The following RNF17 variants were observed in gnomAD, a reference collection of about 807,000 sequenced individuals.
RNF17 encodes the protein spermatogenesis associated 23.
RNF17 carries 31 observed loss-of-function variants against 200.5 expected under a neutral mutation model. The ratio of observed to expected loss-of-function variants is 0.15; its 90% CI spans 0.12 to 0.21. The LOEUF is 0.21. Ranked by LOEUF, RNF17 falls within the 10% of genes least tolerant of loss-of-function variation. The pLI, the probability that RNF17 is intolerant of heterozygous loss-of-function variation, is 1.00. For missense variants in RNF17, 1,628 were observed against 1,905.1 expected (o/e 0.85, Z 2.71); for synonymous variants, 606 against 637.8 (o/e 0.95, Z 0.75).
the RNF17 span, chr13:24,750,643 C>A: frequency 1.0e-3 from 156 of 152,290 alleles, no homozygotes; most frequent in African/African-American, 3.6e-3. Flanking sequence ...TTTAAATTTT[C>A]TCTCCAGGAG....
chr13:24,878,086 C>G (rs1429777913), intron 34 of RNF17, among the ~76,000 whole-genome samples: 2 of 152,230 alleles, frequency 1.3e-5, no homozygotes, highest in African/African-American at 2.4e-5. Flanking sequence ...TTCAGTTCAC[C>G]TAGTCCTCAC....
In RNF17 at chr13:24,806,570, C is replaced by G. The variant is rs137993304; in HGVS notation, c.2091+2141C>G. Reference sequence around the variant, plus strand: ...CATTGTGGTTTTGATTTGCATTTCTCTAATGACCAGTGATGATGAGCATGT... The same window carrying G: ...CATTGTGGTTTTGATTTGCATTTCTGTAATGACCAGTGATGATGAGCATGT... On this transcript the variant is annotated intron_variant, in intron 15 of 35. Coordinates refer to ENST00000255324, the MANE Select transcript of RNF17 (RefSeq NM_031277.3). Among the ~76,000 whole-genome samples, 1,522 of 152,296 alleles carry G rather than the reference C, an allele frequency of 1.0e-2. 37 individuals carry two copies. Among genetic ancestry groups the G allele is most frequent in the African/African-American group, 0.034 (1,408 of 41,568 alleles).
intron 22 of RNF17, among the ~76,000 whole-genome samples, chr13:24,849,275 T>A (rs1202865953): frequency 6.6e-6 from 1 of 152,180 alleles, no homozygotes; most frequent in Non-Finnish European, 1.5e-5. Flanking sequence ...TTATCTGTAA[T>A]CTCTTCTGTG....
intron 25 of RNF17, among the ~76,000 whole-genome samples, chr13:24,857,639 C>T (rs1985445): frequency 0.18 from 26,693 of 152,194 alleles, 2,513 homozygotes; most frequent in South Asian, 0.32. Context: ...CGGTGGCTTA[C>T]GCCTGTAATC....
intron 11 of RNF17, among the ~76,000 whole-genome samples, chr13:24,799,072 C>G (rs895527041): frequency 3.7e-4 from 56 of 152,272 alleles, no homozygotes; most frequent in African/African-American, 1.2e-3. Context: ...ATTAATTTGC[C>G]TGTCTCTCTT....
At position 24,877,151 on chromosome 13, in the gene RNF17, T is replaced by C; in HGVS notation, c.4738T>C (p.Cys1580Arg). Residue 1580 changes from cysteine (C) to arginine (R), a missense_variant, in exon 34 of 36, where the codon TGT becomes CGT. Cys to Arg is a radical substitution (Grantham distance 180). This residue lies in a region of RNF17 where 609 missense variants were observed against 681.9 expected (regional missense o/e 0.89). Transcript: ENST00000255324. ...GGAGGCACTGTGGGCTATGATAGACTGTCTTCAAGGAAAACAACTCTATGC... is the reference window on the plus strand; with the variant it reads ...GGAGGCACTGTGGGCTATGATAGACCGTCTTCAAGGAAAACAACTCTATGC... ...SMEALWAMIDCLQGKQLYAVS... is the reference protein window; with the variant it reads ...SMEALWAMIDRLQGKQLYAVS... 1.2e-6 allele frequency: 2 copies of C among 1,613,270 alleles called. No homozygotes were observed. The highest frequency in any genetic ancestry group is 1.7e-6 in the Non-Finnish European group (2 of 1,179,708).
In RNF17 at chr13:24,781,915, T is replaced by C. The variant is rs9707144; in HGVS notation, c.582T>C (p.Phe194=). The change falls in exon 6 of 36, where the codon TTT becomes TTC. Residue 194 remains phenylalanine, a synonymous_variant. Transcript: ENST00000255324. Reference sequence around the variant, plus strand: ...TTATAGAAGTTGTGGAGAAACAGTTTGACCAACTTTTGGCTTTTTTTGATT... The same window carrying C: ...TTATAGAAGTTGTGGAGAAACAGTTCGACCAACTTTTGGCTTTTTTTGATT... ...ERVIEVVEKQ[F]DQLLAFFDSR... 666,442 of 1,610,352 alleles carry C rather than the reference T, an allele frequency of 0.41. 139,810 individuals carry two copies. Among genetic ancestry groups the C allele is most frequent in the East Asian group, 0.53 (23,861 of 44,772 alleles).
At chr13:24,816,425 A>G (rs998677340) in intron 15 of RNF17, among the ~76,000 whole-genome samples, 9 of 152,118 alleles carry the variant, frequency 5.9e-5, no homozygotes, top group African/African-American at 1.4e-4. Flanking sequence ...CTTGTTCTAC[A>G]TCTCACTGAC....
upstream of RNF17, among the ~76,000 whole-genome samples, chr13:24,759,493 A>C (rs139182447): frequency 5.3e-3 from 802 of 152,302 alleles, 3 homozygotes; most frequent in Middle Eastern, 0.01. Context: ...AAATTAGTTA[A>C]ACAGAGGAAT....
intron 15 of RNF17, among the ~76,000 whole-genome samples, chr13:24,812,473 G>C (rs9511459): frequency 0.23 from 34,952 of 151,942 alleles, 4,466 homozygotes; most frequent in Non-Finnish European, 0.29. Flanking sequence ...CGCTTCCCGA[G>C]TGAGGCAATG....
chr13:24,748,737 G>GT, the RNF17 span, among the ~76,000 whole-genome samples: 24 of 135,474 alleles, frequency 1.8e-4, no homozygotes, highest in African/African-American at 4.8e-4. Flanking sequence ...GTTGGTGGTG[G>GT]TTTTTTTTGT....
At chr13:24,868,759 A>T in intron 31 of RNF17, 43 bp downstream of exon 31, 1 of 1,062,590 alleles carries the variant, frequency 9.4e-7, no homozygotes, top group South Asian at 1.3e-5. Context: ...AAATGTAACA[A>T]GCTGTCTTGG....
chr13:24,819,846 A>C (rs1404024773), intron 15 of RNF17, among the ~76,000 whole-genome samples: 1 of 152,224 alleles, frequency 6.6e-6, no homozygotes, highest in Non-Finnish European at 1.5e-5. Context: ...TAATATCCTC[A>C]TGTGACTTTG....
intron 26 of RNF17, 122 bp from the exon 27 acceptor site, chr13:24,861,146 T>C (rs1397394176): frequency 2.7e-6 from 2 of 749,218 alleles, no homozygotes; most frequent in African/African-American, 1.9e-5. Flanking sequence ...CCCAGAGTGC[T>C]GGGATTATAG....
At chr13:24,790,992 G>T (rs1307438826) in intron 9 of RNF17, among the ~76,000 whole-genome samples, 1 of 152,174 alleles carries the variant, frequency 6.6e-6, no homozygotes, top group Non-Finnish European at 1.5e-5. Context: ...GAAACATTTA[G>T]ACCAAAGCAC....
intron 2 of RNF17, among the ~76,000 whole-genome samples, chr13:24,770,151 A>G (rs1175727640): frequency 1.3e-5 from 2 of 152,174 alleles, no homozygotes; most frequent in Non-Finnish European, 2.9e-5. Flanking sequence ...AAAATTAGAA[A>G]TGTAAACTAG....
chr13:24,775,403 C>T (rs1881418087), intron 3 of RNF17, among the ~76,000 whole-genome samples: 1 of 152,112 alleles, frequency 6.6e-6, no homozygotes, highest in Non-Finnish European at 1.5e-5. Context: ...GCATGCACCA[C>T]CATGCACAGC....
chr13:24,815,811 A>G (rs994258177), intron 15 of RNF17, among the ~76,000 whole-genome samples: 17 of 152,006 alleles, frequency 1.1e-4, no homozygotes, highest in African/African-American at 1.7e-4. Flanking sequence ...CTTTTTTGCA[A>G]CAATTGAGAT....
At position 24,811,067 on chromosome 13, in the gene RNF17, T is replaced by C. The variant is rs1368468939; in HGVS notation, c.2091+6638T>C. ...TAACCCGACCTTTCTCTCTGGCTGC[T>C]CTTAACATTTTTTCCTTCATTTCCA... On this transcript the variant is annotated intron_variant, in intron 15 of 35. Coordinates refer to ENST00000255324, the MANE Select transcript of RNF17 (RefSeq NM_031277.3). 9.2e-5 allele frequency among the ~76,000 whole-genome samples: 14 copies of C among 152,154 alleles called. No homozygotes were observed. The East Asian group carries it at 2.3e-3, about 25-fold the overall frequency.
Sources: allele counts gnomAD v4.1 joint callset (sites outside exome capture counted in the v4.1 genomes callset), GRCh38; gene constraint gnomAD v4.1.1; regional missense constraint gnomAD v4.1.1; transcripts MANE v1.5; gene names NCBI Gene and HGNC (gene_info 2026-07-23, HGNC 2026-07-21).